Variants in RHOBTB1 observed in about 807,000 individuals in gnomAD.
RHOBTB1 encodes rho-related BTB domain-containing protein 1.
Under a neutral mutation model 71.6 loss-of-function variants are expected in RHOBTB1, and 40 were observed. That is an observed-to-expected ratio of 0.56 (90% confidence interval 0.43 to 0.73). The LOEUF is 0.73. RHOBTB1 is among the 30% of genes least tolerant of loss of function. The pLI, the probability that RHOBTB1 is intolerant of heterozygous loss-of-function variation, is 0.00. For synonymous variants in RHOBTB1, 319 were observed against 334.9 expected (o/e 0.95, Z 0.52); for missense variants, 797 against 894.0 (o/e 0.89, Z 1.38).
the RHOBTB1 span, among the ~76,000 whole-genome samples, chr10:60,861,340 G>C: frequency 6.6e-6 from 1 of 152,192 alleles, no homozygotes; most frequent in African/African-American, 2.4e-5. Flanking sequence ...TCTAGGGCCA[G>C]GCCTAGATGC....
rs1285523279 is a variant in RHOBTB1 at position 60,973,396 on chromosome 10, C to T, written c.-62+12449G>A. Among the ~76,000 whole-genome samples the T allele has an allele frequency of 2.0e-5, 3 of 152,206 alleles. No homozygotes were observed. In the East Asian group the frequency reaches 5.8e-4, roughly 29 times the overall value. ...TCCAAGAGAGAAAACTGTCCATCGTCTTCTTTAAAATTTTTAGCATAAACT... is the reference window on the plus strand; with the variant it reads ...TCCAAGAGAGAAAACTGTCCATCGTTTTCTTTAAAATTTTTAGCATAAACT... On this transcript the variant is annotated intron_variant, in intron 2 of 11. Transcript: ENST00000357917.
rs538304161 is a variant in RHOBTB1 at position 60,976,622 on chromosome 10, T to C, written c.-62+9223A>G. On this transcript the variant is annotated intron_variant, in intron 2 of 11. Coordinates refer to the RHOBTB1 transcript ENST00000357917. ...TTTAAAACTTCTATGCCCAATTAAG[T>C]AGACATTGTCCAACAGACCCGATAG... 4.2e-3 allele frequency among the ~76,000 whole-genome samples: 645 copies of C among 152,100 alleles called. 2 individuals are homozygous for C. The highest frequency in any genetic ancestry group is 7.1e-3 in the Non-Finnish European group (482 of 67,958).
intron 2 of RHOBTB1, among the ~76,000 whole-genome samples, chr10:60,971,530 A>G (rs377446404): frequency 1.3e-4 from 20 of 152,182 alleles, no homozygotes; most frequent in Admixed American, 3.9e-4. Context: ...CTTACACCTT[A>G]TACAAAAATT....
chr10:60,913,256 C>T (rs905374984), intron 2 of RHOBTB1, among the ~76,000 whole-genome samples: 4 of 152,050 alleles, frequency 2.6e-5, no homozygotes, highest in African/African-American at 9.7e-5. Flanking sequence ...GGCTGGAGAA[C>T]GATTTGGCAG....
chr10:60,975,338 T>C (rs557118578), intron 2 of RHOBTB1, among the ~76,000 whole-genome samples: 10 of 152,146 alleles, frequency 6.6e-5, no homozygotes, highest in African/African-American at 1.9e-4. Context: ...GAGACTTGTG[T>C]TCCTGGCCCA....
intron 5 of RHOBTB1, among the ~76,000 whole-genome samples, chr10:60,891,334 CT>C (rs756153141): frequency 0.025 from 1,761 of 71,288 alleles, 7 homozygotes; most frequent in Non-Finnish European, 0.031. Context: ...TTGCTGTTTG[CT>C]TTTTTTTTTT....
intron 2 of RHOBTB1, among the ~76,000 whole-genome samples, chr10:60,978,918 C>G (rs1314619156): frequency 6.6e-6 from 1 of 152,170 alleles, no homozygotes; most frequent in Non-Finnish European, 1.5e-5. Context: ...TATAGAAATA[C>G]CTCCTCTTCT....
At chr10:60,992,536 T>C (rs1379746413) in intron 1 of RHOBTB1, among the ~76,000 whole-genome samples, 7 of 152,220 alleles carry the variant, frequency 4.6e-5, no homozygotes, top group Non-Finnish European at 1.0e-4. Context: ...GCTTCTAAAA[T>C]TTATGTCATC....
intron 2 of RHOBTB1, among the ~76,000 whole-genome samples, chr10:60,930,107 A>G (rs1409161352): frequency 6.6e-6 from 1 of 152,380 alleles, no homozygotes; most frequent in Non-Finnish European, 1.5e-5. Context: ...TTTCTAATAT[A>G]TCCATCTAAG....
chr10:60,863,508 A>G, the RHOBTB1 span, among the ~76,000 whole-genome samples: 3 of 152,044 alleles, frequency 2.0e-5, no homozygotes, highest in Non-Finnish European at 4.4e-5. Context: ...GCACAGATCA[A>G]TCTGAGCTCC....
intron 2 of RHOBTB1, among the ~76,000 whole-genome samples, chr10:60,950,577 C>T (rs1438800184): frequency 1.3e-5 from 2 of 152,160 alleles, no homozygotes; most frequent in Non-Finnish European, 2.9e-5. Context: ...TAATTCTGTG[C>T]TACTTCCTTA....
At chr10:60,939,594 T>C (rs2084791550) in intron 2 of RHOBTB1, among the ~76,000 whole-genome samples, 1 of 152,036 alleles carries the variant, frequency 6.6e-6, no homozygotes, top group South Asian at 2.1e-4. Context: ...TGTTTTGGTG[T>C]TGTGATGTTG....
intron 2 of RHOBTB1, among the ~76,000 whole-genome samples, chr10:60,965,259 T>G (rs2085917742): frequency 6.6e-6 from 1 of 152,064 alleles, no homozygotes; most frequent in Non-Finnish European, 1.5e-5. Flanking sequence ...ATATATTATA[T>G]ACTAAACTCC....
chr10:60,903,137 A>G (rs772190509), intron 4 of RHOBTB1, among the ~76,000 whole-genome samples: 6 of 152,202 alleles, frequency 3.9e-5, no homozygotes, highest in Non-Finnish European at 7.3e-5. Flanking sequence ...GAGGAATTCT[A>G]GGAGTACGTG....
At chr10:60,896,681 G>A (rs2082175265) in intron 4 of RHOBTB1, among the ~76,000 whole-genome samples, 1 of 152,156 alleles carries the variant, frequency 6.6e-6, no homozygotes, top group Admixed American at 6.5e-5. Flanking sequence ...GCTTGCCCTT[G>A]CCCACGGAAT....
intron 2 of RHOBTB1, among the ~76,000 whole-genome samples, chr10:60,952,515 A>C (rs951914647): frequency 1.3e-5 from 2 of 152,238 alleles, no homozygotes; most frequent in Non-Finnish European, 2.9e-5. Flanking sequence ...TTTATAGATG[A>C]GGAAGCCGAG....
At chr10:60,929,760 A>G (rs571508024) in intron 2 of RHOBTB1, among the ~76,000 whole-genome samples, 24 of 152,310 alleles carry the variant, frequency 1.6e-4, no homozygotes, top group African/African-American at 5.8e-4. Context: ...GAAATTCACA[A>G]CAATAACAAA....
At chr10:60,972,194 T>C (rs1172270699) in intron 2 of RHOBTB1, among the ~76,000 whole-genome samples, 1 of 152,212 alleles carries the variant, frequency 6.6e-6, no homozygotes, top group Non-Finnish European at 1.5e-5. Flanking sequence ...ATTGAGTTTA[T>C]ACCCAAATGA....
intron 1 of RHOBTB1, among the ~76,000 whole-genome samples, chr10:60,995,402 C>T (rs2087014410): frequency 6.6e-6 from 1 of 152,116 alleles, no homozygotes; most frequent in African/African-American, 2.4e-5. Flanking sequence ...CCAGAGCACC[C>T]AAGATATCAT....
Sources: gnomAD v4.1 joint callset for allele counts (sites outside exome capture counted in the v4.1 genomes callset) on GRCh38, gnomAD v4.1.1 for gene constraint, MANE v1.5 for transcripts, NCBI Gene and HGNC (gene_info 2026-07-23, HGNC 2026-07-21) for gene names.